THSD7B: variants seen among roughly 807,000 people sequenced by gnomAD.
THSD7B encodes the protein thrombospondin type-1 domain-containing protein 7B.
THSD7B carries 138 observed loss-of-function variants against 213.6 expected under a neutral mutation model. The observed-to-expected ratio is 0.65, with a 90% CI of 0.56 to 0.74. THSD7B has a LOEUF of 0.74. THSD7B is among the 30% of genes least tolerant of loss of function. The probability of loss-of-function intolerance (pLI) is 0.00; values close to 1 mark genes in which losing one functional copy is unlikely to be tolerated. For missense variants in THSD7B, 1,931 were observed against 1,991.5 expected (o/e 0.97, Z 0.58); for synonymous variants, 742 against 687.0 (o/e 1.08, Z -1.25).
chr2:137,080,374 T>C (rs1198335226), intron 3 of THSD7B, among the ~76,000 whole-genome samples: 10 of 143,956 alleles, frequency 6.9e-5, no homozygotes, highest in Non-Finnish European at 1.5e-4. Flanking sequence ...GCTGTTTTTT[T>C]TTTTTTTTTT....
At chr2:136,859,745 T>C (rs1683230719) in intron 1 of THSD7B, among the ~76,000 whole-genome samples, 1 of 152,188 alleles carries the variant, frequency 6.6e-6, no homozygotes. Context: ...TTACTGTAAG[T>C]TCTTTGGCAT....
intron 12 of THSD7B, among the ~76,000 whole-genome samples, chr2:137,403,842 G>T (rs138595575): frequency 6.6e-6 from 1 of 152,282 alleles, no homozygotes; most frequent in Non-Finnish European, 1.5e-5. Context: ...CTTAAGAGGG[G>T]TGGATGCTAC....
intron 7 of THSD7B, among the ~76,000 whole-genome samples, chr2:137,195,696 G>C (rs1680746703): frequency 1.3e-5 from 2 of 152,030 alleles, no homozygotes; most frequent in Admixed American, 1.3e-4. Flanking sequence ...CAAAGCTCTT[G>C]CTTGCATTAG....
intron 1 of THSD7B, among the ~76,000 whole-genome samples, chr2:136,856,663 C>T (rs886988367): frequency 1.4e-4 from 21 of 152,110 alleles, no homozygotes; most frequent in African/African-American, 1.7e-4. Context: ...TACAGGATTC[C>T]GCCACCACGC....
At chr2:137,031,221 T>C (rs1686659150) in intron 2 of THSD7B, among the ~76,000 whole-genome samples, 1 of 152,028 alleles carries the variant, frequency 6.6e-6, no homozygotes, top group Non-Finnish European at 1.5e-5. Flanking sequence ...GCGGGTTGCC[T>C]GTAATCCCAG....
intron 10 of THSD7B, among the ~76,000 whole-genome samples, chr2:137,269,183 T>C (rs1345740137): frequency 2.6e-5 from 4 of 152,220 alleles, no homozygotes; most frequent in Non-Finnish European, 5.9e-5. Flanking sequence ...TTATGCAGTG[T>C]GGATCAGTTT....
In THSD7B at chr2:137,342,904, C is replaced by G. The variant is rs991227521; in HGVS notation, c.2501-62709C>G. Among the ~76,000 whole-genome samples the G allele has an allele frequency of 2.6e-5, 4 of 151,538 alleles. No individual in the cohort carries two copies. In the Admixed American group the frequency reaches 2.6e-4, roughly 10 times the overall value. On this transcript the variant is annotated intron_variant, in intron 12 of 27. Transcript: ENST00000409968. ...ATCCCAGGTAGTAATGGTGGATGGT[C>G]TTTTTAATGGTTGTTGAATTCAGTT...
intron 12 of THSD7B, among the ~76,000 whole-genome samples, chr2:137,312,223 G>C (rs1285354083): frequency 1.3e-5 from 2 of 152,088 alleles, no homozygotes; most frequent in African/African-American, 4.8e-5. Context: ...CTTCTTCCTG[G>C]TTTAGTCTTG....
At chr2:137,232,481 A>C (rs1378212941) in intron 8 of THSD7B, among the ~76,000 whole-genome samples, 3 of 152,072 alleles carry the variant, frequency 2.0e-5, no homozygotes, top group Non-Finnish European at 2.9e-5. Flanking sequence ...CGTGCTGCAT[A>C]AGGGGTGTGT....
At chr2:137,154,159 C>A (rs573941582) in intron 5 of THSD7B, among the ~76,000 whole-genome samples, 1 of 152,134 alleles carries the variant, frequency 6.6e-6, no homozygotes, top group East Asian at 1.9e-4. Flanking sequence ...GCAGACAAAA[C>A]AATTTAGGTT....
At chr2:137,180,260 A>G (rs1242943210) in intron 7 of THSD7B, among the ~76,000 whole-genome samples, 1 of 152,170 alleles carries the variant, frequency 6.6e-6, no homozygotes, top group Non-Finnish European at 1.5e-5. Context: ...CAGTGTGAGC[A>G]CTGGCTGTTA....
At chr2:137,241,129 C>T (rs1286033945) in intron 9 of THSD7B, among the ~76,000 whole-genome samples, 1 of 152,176 alleles carries the variant, frequency 6.6e-6, no homozygotes, top group East Asian at 1.9e-4. Flanking sequence ...TTATAATGCT[C>T]ATCATTGCTG....
At chr2:137,311,403 A>G (rs1192580462) in intron 12 of THSD7B, among the ~76,000 whole-genome samples, 2 of 152,096 alleles carry the variant, frequency 1.3e-5, no homozygotes, top group South Asian at 2.1e-4. Context: ...AGGAGATTTT[A>G]GACTGAGACA....
At chr2:137,288,956 T>C (rs2104829865) in intron 12 of THSD7B, among the ~76,000 whole-genome samples, 1 of 152,178 alleles carries the variant, frequency 6.6e-6, no homozygotes, top group Non-Finnish European at 1.5e-5. Flanking sequence ...ATGACTCAAA[T>C]CATAGTTGTT....
At chr2:136,935,554 T>C (rs1684707741) in intron 2 of THSD7B, among the ~76,000 whole-genome samples, 1 of 152,092 alleles carries the variant, frequency 6.6e-6, no homozygotes, top group Non-Finnish European at 1.5e-5. Flanking sequence ...ATCAACACAA[T>C]GGGTGAGTTT....
rs527324305 is a variant in THSD7B, at chr2:137,635,922, C to T, written c.3800-6566C>T. ...TTTACCACGTTGGTCAGGCTGGTCTCGAACTCCTGACCTCAAGTGATCTGC... is the reference window on the plus strand; with the variant it reads ...TTTACCACGTTGGTCAGGCTGGTCTTGAACTCCTGACCTCAAGTGATCTGC... On this transcript the variant is annotated intron_variant, in intron 20 of 27. Coordinates refer to ENST00000409968, the MANE Select transcript of THSD7B (RefSeq NM_001316349.2). Among the ~76,000 whole-genome samples the T allele has an allele frequency of 7.8e-4, 118 of 152,140 alleles. 3 individuals are homozygous for T. In the South Asian group the frequency reaches 0.021, roughly 26 times the overall value.
intron 1 of THSD7B, among the ~76,000 whole-genome samples, chr2:136,806,779 C>T (rs974832274): frequency 1.3e-5 from 2 of 152,194 alleles, no homozygotes; most frequent in Non-Finnish European, 2.9e-5. Flanking sequence ...TGTCCTTTCT[C>T]TGTTCCAGGG....
At chr2:136,779,939 A>G (rs967087779) in intron 1 of THSD7B, among the ~76,000 whole-genome samples, 1 of 152,156 alleles carries the variant, frequency 6.6e-6, no homozygotes, top group East Asian at 1.9e-4. Context: ...TGGAAGAGAA[A>G]GAGTCTGGTC....
intron 3 of THSD7B, among the ~76,000 whole-genome samples, chr2:137,077,288 T>A (rs937498588): frequency 6.6e-6 from 1 of 152,126 alleles, no homozygotes; most frequent in Non-Finnish European, 1.5e-5. Context: ...ATAAACATAC[T>A]TGTGCATGTG....
Sources: gnomAD v4.1 joint callset for allele counts (sites outside exome capture counted in the v4.1 genomes callset) on GRCh38, gnomAD v4.1.1 for gene constraint, MANE v1.5 for transcripts, NCBI Gene and HGNC (gene_info 2026-07-23, HGNC 2026-07-21) for gene names.